Variants in LRRC4C observed in about 807,000 individuals in gnomAD.
LRRC4C encodes the protein leucine-rich repeat-containing protein 4C.
LRRC4C carries 5 observed loss-of-function variants against 33.6 expected under a neutral mutation model. The ratio of observed to expected loss-of-function variants is 0.15; its 90% confidence interval spans 0.08 to 0.31. LRRC4C has a LOEUF of 0.31. LRRC4C is among the 10% of genes least tolerant of loss of function. The pLI, the probability that LRRC4C is intolerant of heterozygous loss-of-function variation, is 1.00. For synonymous variants in LRRC4C, 329 were observed against 302.0 expected (o/e 1.09, Z -0.93); for missense variants, 560 against 796.7 (o/e 0.70, Z 3.58).
At chr11:40,811,630 T>C (rs906750505) in intron 2 of LRRC4C, among the ~76,000 whole-genome samples, 2 of 152,146 alleles carry the variant, frequency 1.3e-5, no homozygotes. Context: ...TCTGAGTAGC[T>C]GGGACTACAG....
chr11:40,360,770 AT>A (rs1947911965), intron 3 of LRRC4C, among the ~76,000 whole-genome samples: 1 of 152,194 alleles, frequency 6.6e-6, no homozygotes, highest in Non-Finnish European at 1.5e-5. Flanking sequence ...TCATCCCGAT[AT>A]CAAAACCTGG....
rs948424662 is a variant in LRRC4C at position 41,326,527 on chromosome 11, C to A, written c.-496+132904G>T. Among the ~76,000 whole-genome samples the A allele has an allele frequency of 7.9e-5, 12 of 152,170 alleles. No homozygotes were observed. The East Asian group carries it at 2.1e-3, about 27-fold the overall frequency. The stretch of plus-strand genomic sequence containing the variant: ...TGTCCCTCTTGAGAACCCTAATACA[C>A]AAACCTTCACATGTGGCCCCAAAAT... On this transcript the variant is annotated intron_variant, in intron 1 of 6. Transcript: ENST00000528697.
chr11:41,318,388 A>T (rs1231079841), intron 1 of LRRC4C, among the ~76,000 whole-genome samples: 2 of 152,202 alleles, frequency 1.3e-5, no homozygotes, highest in African/African-American at 4.8e-5. Flanking sequence ...ATACATACTG[A>T]CAGAAATACA....
intron 3 of LRRC4C, among the ~76,000 whole-genome samples, chr11:40,485,798 C>T (rs962322973): frequency 3.3e-5 from 5 of 152,070 alleles, no homozygotes; most frequent in Admixed American, 1.3e-4. Context: ...GGTACATATA[C>T]ACCACGGAAT....
chr11:41,366,165 T>C (rs982319788), intron 1 of LRRC4C, among the ~76,000 whole-genome samples: 1 of 151,654 alleles, frequency 6.6e-6, no homozygotes, highest in Non-Finnish European at 1.5e-5. Flanking sequence ...CCTGTTTGTA[T>C]GTGTTTATAT....
At chr11:41,245,456 G>A (rs1471437906) in intron 1 of LRRC4C, among the ~76,000 whole-genome samples, 3 of 152,190 alleles carry the variant, frequency 2.0e-5, no homozygotes, top group Admixed American at 6.5e-5. Flanking sequence ...GCACCAGCAC[G>A]GGTACTGGCT....
At chr11:40,601,995 C>T (rs1346443146) in intron 3 of LRRC4C, among the ~76,000 whole-genome samples, 1 of 151,436 alleles carries the variant, frequency 6.6e-6, no homozygotes, top group African/African-American at 2.4e-5. Flanking sequence ...TTGAGACCAT[C>T]CTGGCCAACA....
At chr11:41,321,393 C>T (rs1455884379) in intron 1 of LRRC4C, among the ~76,000 whole-genome samples, 2 of 152,052 alleles carry the variant, frequency 1.3e-5, no homozygotes, top group Non-Finnish European at 2.9e-5. Context: ...TGAATGATTG[C>T]CCAACATGCT....
intron 1 of LRRC4C, among the ~76,000 whole-genome samples, chr11:41,244,194 G>T (rs79236412): frequency 0.065 from 9,752 of 149,124 alleles, 327 homozygotes; most frequent in African/African-American, 0.081. Context: ...TCTATCTATC[G>T]ATCGTAAAAA....
At chr11:41,082,167 G>A (rs750980402) in intron 1 of LRRC4C, among the ~76,000 whole-genome samples, 1 of 152,078 alleles carries the variant, frequency 6.6e-6, no homozygotes, top group Non-Finnish European at 1.5e-5. Context: ...AGAATGAAAT[G>A]CCACAAAACT....
intron 1 of LRRC4C, among the ~76,000 whole-genome samples, chr11:40,946,542 A>G (rs1245352593): frequency 6.6e-6 from 1 of 152,182 alleles, no homozygotes; most frequent in Non-Finnish European, 1.5e-5. Context: ...ACTAATTTAC[A>G]TTACCACTAT....
At chr11:40,360,510 G>A (rs937891614) in intron 3 of LRRC4C, among the ~76,000 whole-genome samples, 5 of 152,270 alleles carry the variant, frequency 3.3e-5, no homozygotes, top group African/African-American at 1.2e-4. Context: ...CTTAACAAAT[G>A]GGGCATTGAA....
chr11:40,782,904 GTGTA>G (rs1487248361), intron 2 of LRRC4C, among the ~76,000 whole-genome samples: 9 of 151,966 alleles, frequency 5.9e-5, no homozygotes, highest in South Asian at 2.1e-4. Context: ...ATATACATAT[GTGTA>G]TGTATGTATG....
chr11:41,453,296 C>G (rs1440379811), intron 1 of LRRC4C, among the ~76,000 whole-genome samples: 1 of 152,098 alleles, frequency 6.6e-6, no homozygotes, highest in Non-Finnish European at 1.5e-5. Context: ...TCTGCCTCAA[C>G]TTATGGATTC....
intron 1 of LRRC4C, among the ~76,000 whole-genome samples, chr11:41,187,185 G>A (rs531089384): frequency 2.2e-3 from 340 of 152,286 alleles, no homozygotes; most frequent in Non-Finnish European, 3.7e-3. Flanking sequence ...GCCCAGGGAC[G>A]AAGGTGAGGA....
At chr11:40,381,486 A>G (rs946328420) in intron 3 of LRRC4C, among the ~76,000 whole-genome samples, 4 of 152,204 alleles carry the variant, frequency 2.6e-5, no homozygotes, top group African/African-American at 9.7e-5. Context: ...ATTATCAAGT[A>G]CATACTGTCT....
intron 1 of LRRC4C, among the ~76,000 whole-genome samples, chr11:41,132,653 CTTCA>C (rs909981601): frequency 6.6e-6 from 1 of 151,996 alleles, no homozygotes; most frequent in Admixed American, 6.6e-5. Flanking sequence ...GGTTTGTTTC[CTTCA>C]TTGTTTGTTT....
intron 1 of LRRC4C, among the ~76,000 whole-genome samples, chr11:41,418,313 T>C (rs535392354): frequency 6.6e-6 from 1 of 152,094 alleles, no homozygotes; most frequent in African/African-American, 2.4e-5. Context: ...CAAGAAATAT[T>C]ACCCCTACAC....
At chr11:41,080,342 C>CTTTTTTTTT (rs71060997) in intron 1 of LRRC4C, among the ~76,000 whole-genome samples, 16 of 103,438 alleles carry the variant, frequency 1.5e-4, no homozygotes, top group African/African-American at 1.8e-4. Flanking sequence ...GAGTCTCCTC[C>CTTTTTTTTT]TTTTTTTTTT....
Sources: allele counts gnomAD v4.1 joint callset (sites outside exome capture counted in the v4.1 genomes callset), GRCh38; gene constraint gnomAD v4.1.1; transcripts MANE v1.5; gene names NCBI Gene and HGNC (gene_info 2026-07-23, HGNC 2026-07-21).